PIEZO2: variants seen among roughly 807,000 people sequenced by gnomAD.
PIEZO2 encodes piezo-type mechanosensitive ion channel component 2.
In PIEZO2, 172 loss-of-function variants were observed where a neutral mutation model predicts 337.3. That is an observed-to-expected ratio of 0.51 (90% CI 0.45 to 0.58). The LOEUF is 0.58. PIEZO2 is among the 20% of genes least tolerant of loss of function. PIEZO2 has a pLI of 0.00. For missense variants in PIEZO2, 3,028 were observed against 3,391.3 expected (o/e 0.89, Z 2.66); for synonymous variants, 1,251 against 1,228.5 (o/e 1.02, Z -0.38).
intron 4 of PIEZO2, among the ~76,000 whole-genome samples, chr18:10,887,250 T>A (rs1236287955): frequency 6.6e-6 from 1 of 151,760 alleles, no homozygotes; most frequent in Non-Finnish European, 1.5e-5. Context: ...TTTGTATTTT[T>A]AGTAGAGACA....
intron 7 of PIEZO2, among the ~76,000 whole-genome samples, chr18:10,832,615 T>C (rs1200216837): frequency 6.6e-6 from 1 of 152,170 alleles, no homozygotes; most frequent in Admixed American, 6.5e-5. Context: ...AGAGAGTAGA[T>C]GCTTAATAAC....
At chr18:11,071,960 T>C (rs1217315692) in intron 1 of PIEZO2, among the ~76,000 whole-genome samples, 1 of 144,874 alleles carries the variant, frequency 6.9e-6, no homozygotes, top group Non-Finnish European at 1.5e-5. Context: ...CTGCGCTCCA[T>C]GCTACTGCAA....
Position 10,979,607 on chromosome 18 carries a change from A to G in PIEZO2, c.214T>C (p.Leu72=). 2.0e-6 allele frequency: 3 copies of G among 1,536,390 alleles called. No homozygotes were observed. Among genetic ancestry groups the G allele is most frequent in the Non-Finnish European group, 2.6e-6 (3 of 1,146,246 alleles). Residue 72 remains leucine, a synonymous_variant, in exon 3 of 56, where the codon TTG becomes CTG. Transcript: ENST00000674853. This position sits in a 1 kb window ranked among gnomAD's most constrained non-coding sequence, Gnocchi z 4.0. ...GTGATGTGGAAAATGATGTGCAGCA[A>G]CAGGAAGGAAAGACTGATGAAGCAC... The part of the protein sequence containing the change: ...SLCFISLSFL[L]LHIIFHITLV...
At position 10,894,164 on chromosome 18, in the gene PIEZO2, CA is replaced by C. The variant is rs1201264290; in HGVS notation, c.329+17021del. On this transcript the variant is annotated intron_variant, in intron 4 of 55. Coordinates refer to ENST00000674853, the MANE Select transcript of PIEZO2 (RefSeq NM_001378183.1). This position sits in a 1 kb window ranked among gnomAD's most constrained non-coding sequence, Gnocchi z 4.1. The stretch of plus-strand genomic sequence containing the variant: ...GGGCTCAAGCATGTGCATTAAGAGG[CA>C]AAATGGGCCAAGTGCGGTGGCTCAC... Among the ~76,000 whole-genome samples, 2 of 152,046 alleles carry C rather than the reference CA, an allele frequency of 1.3e-5. No individual in the cohort carries two copies. Among genetic ancestry groups the C allele is most frequent in the African/African-American group, 4.8e-5 (2 of 41,410 alleles).
rs994575862 is a variant in PIEZO2, at chr18:10,746,841, T to C, written c.4424+1630A>G. ...TGTTGGACTTTCCAGCCTGTGGAACTGTAAGAATTGAGTGTATACTGTTTA... is the reference window on the plus strand; with the variant it reads ...TGTTGGACTTTCCAGCCTGTGGAACCGTAAGAATTGAGTGTATACTGTTTA... On this transcript the variant is annotated intron_variant, in intron 30 of 55. Coordinates refer to ENST00000674853, the MANE Select transcript of PIEZO2 (RefSeq NM_001378183.1). The surrounding 1 kb of genome is among the most constrained non-coding windows in gnomAD (Gnocchi z 4.2). 6.6e-6 allele frequency among the ~76,000 whole-genome samples: 1 copy of C among 152,186 alleles called. No homozygotes were observed. Among genetic ancestry groups the C allele is most frequent in the Non-Finnish European group, 1.5e-5 (1 of 68,034 alleles).
intron 43 of PIEZO2, among the ~76,000 whole-genome samples, chr18:10,699,907 C>CT (rs2035262454): frequency 6.6e-6 from 1 of 152,162 alleles, no homozygotes; most frequent in Non-Finnish European, 1.5e-5. Flanking sequence ...CTCTCTGACT[C>CT]GTACATGGAG....
At chr18:10,885,429 C>T (rs2042550400) in intron 4 of PIEZO2, among the ~76,000 whole-genome samples, 1 of 151,884 alleles carries the variant, frequency 6.6e-6, no homozygotes. Context: ...GTCTCAAAAA[C>T]AAATCAATAA....
At chr18:10,839,624 C>T (rs900781686) in intron 7 of PIEZO2, among the ~76,000 whole-genome samples, 1 of 152,188 alleles carries the variant, frequency 6.6e-6, no homozygotes. Flanking sequence ...GGCAGTAAAG[C>T]AGCAGGAGTC....
intron 1 of PIEZO2, among the ~76,000 whole-genome samples, chr18:11,141,442 T>C (rs1410041075): frequency 6.6e-6 from 1 of 152,080 alleles, no homozygotes; most frequent in African/African-American, 2.4e-5. Flanking sequence ...AGGGTAAAGA[T>C]GGAATGAGTC....
rs1361057127 is a variant in PIEZO2, at chr18:10,872,997, T to C, written c.330-1582A>G. On this transcript the variant is annotated intron_variant, in intron 4 of 55. Coordinates refer to ENST00000674853, the MANE Select transcript of PIEZO2 (RefSeq NM_001378183.1). This position sits in a 1 kb window ranked among gnomAD's most constrained non-coding sequence, Gnocchi z 4.3. ...AAAAATGTTTATCAGAGATACAACT[T>C]ACTTAGGGAAAGGAAGCAAAAGATA... is the stretch of plus-strand genomic sequence containing the variant. Among the ~76,000 whole-genome samples the C allele has an allele frequency of 2.6e-5, 4 of 152,172 alleles. No individual in the cohort carries two copies. The East Asian group carries it at 7.7e-4, about 29-fold the overall frequency.
rs941112525 is a variant in PIEZO2 at position 11,148,123 on chromosome 18, C to T, written c.64+402G>A. ...AGATGGCCTCTGGGCCGTCTGGAGG[C>T]ACAGCATGCTGTGCTTGCAGGGTCA... is the stretch of plus-strand genomic sequence containing the variant. On this transcript the variant is annotated intron_variant, in intron 1 of 55. Transcript: ENST00000674853. The surrounding 1 kb of genome is among the most constrained non-coding windows in gnomAD (Gnocchi z 5.2). Among the ~76,000 whole-genome samples the T allele has an allele frequency of 2.6e-5, 4 of 152,070 alleles. No individual in the cohort carries two copies. The highest frequency in any genetic ancestry group is 9.7e-5 in the African/African-American group (4 of 41,416).
intron 7 of PIEZO2, among the ~76,000 whole-genome samples, chr18:10,832,189 C>T (rs540145796): frequency 1.8e-4 from 28 of 151,982 alleles, no homozygotes; most frequent in South Asian, 2.1e-4. Flanking sequence ...TCAGCTACGC[C>T]GAGATCATGC....
chr18:10,869,059 C>G (rs1294979733), intron 5 of PIEZO2, among the ~76,000 whole-genome samples: 1 of 152,208 alleles, frequency 6.6e-6, no homozygotes, highest in African/African-American at 2.4e-5. Context: ...ACTACTACCT[C>G]TCAAATTGGA....
At position 10,928,412 on chromosome 18, in the gene PIEZO2, C is replaced by T. The variant is rs11874409; in HGVS notation, c.287-17184G>A. The stretch of plus-strand genomic sequence containing the variant: ...AGCTTAGGACTCTCACTGACAGGCA[C>T]GCTTGATTTGTTTTATTTTTGTGCT... On this transcript the variant is annotated intron_variant, in intron 3 of 55. Transcript: ENST00000674853. Among the ~76,000 whole-genome samples, 1,260 of 152,302 alleles carry T rather than the reference C, an allele frequency of 8.3e-3. 26 individuals carry two copies. The highest frequency in any genetic ancestry group is 0.028 in the African/African-American group (1,155 of 41,558).
In PIEZO2 at chr18:10,773,316, G is replaced by A. The variant is rs2038668422; in HGVS notation, c.2785+96C>T. 8.0e-7 allele frequency: 1 copy of A among 1,256,426 alleles called. No individual in the cohort carries two copies. The highest frequency in any genetic ancestry group is 1.1e-6 in the Non-Finnish European group (1 of 900,694). The allele number at this position is 1,256,426 out of a possible 1,614,324, so 77.8% of individuals were successfully genotyped here. On this transcript the variant is annotated intron_variant, in intron 20 of 55. Coordinates refer to ENST00000674853, the MANE Select transcript of PIEZO2 (RefSeq NM_001378183.1). The surrounding 1 kb of genome is among the most constrained non-coding windows in gnomAD (Gnocchi z 5.3). ...ACTCCAATTTTTATGTCATGGACTG[G>A]GTCAAATATATATTCTTTTGGAGCA...
In PIEZO2 at chr18:10,894,006, G is replaced by A. The variant is rs1475316155; in HGVS notation, c.329+17180C>T. Among the ~76,000 whole-genome samples the A allele has an allele frequency of 6.6e-6, 1 of 152,148 alleles. No individual in the cohort carries two copies. Among genetic ancestry groups the A allele is most frequent in the African/African-American group, 2.4e-5 (1 of 41,438 alleles). ...GTGAGCATCAGATGATGGTCAGGTG[G>A]TTGTTAACTGTCTCTTTAAAATAGT... On this transcript the variant is annotated intron_variant, in intron 4 of 55. Coordinates refer to ENST00000674853, the MANE Select transcript of PIEZO2 (RefSeq NM_001378183.1). The surrounding 1 kb of genome is among the most constrained non-coding windows in gnomAD (Gnocchi z 4.1).
chr18:10,817,596 A>G (rs1440079339), intron 7 of PIEZO2, among the ~76,000 whole-genome samples: 1 of 152,142 alleles, frequency 6.6e-6, no homozygotes, highest in Non-Finnish European at 1.5e-5. Context: ...TTCATGTTTT[A>G]AGATTGAACA....
rs993546886 is a variant in PIEZO2, at chr18:10,856,807, A to T, written c.703+194T>A. 5.3e-5 allele frequency among the ~76,000 whole-genome samples: 8 copies of T among 152,204 alleles called. No homozygotes were observed. Among genetic ancestry groups the T allele is most frequent in the African/African-American group, 1.9e-4 (8 of 41,440 alleles). On this transcript the variant is annotated intron_variant, in intron 6 of 55. Coordinates refer to ENST00000674853, the MANE Select transcript of PIEZO2 (RefSeq NM_001378183.1). The surrounding 1 kb of genome is among the most constrained non-coding windows in gnomAD (Gnocchi z 4.7). ...AGGTTAACAGAAACCATCTAAAAAC[A>T]TCAAAACTAGAACTAACCCGGAAAA...
At chr18:10,995,881 T>G (rs2035304462) in intron 2 of PIEZO2, among the ~76,000 whole-genome samples, 1 of 152,134 alleles carries the variant, frequency 6.6e-6, no homozygotes, top group Non-Finnish European at 1.5e-5. Flanking sequence ...CACATGAATC[T>G]AGGGCTGAGA....
Sources: gnomAD v4.1 joint callset for allele counts (sites outside exome capture counted in the v4.1 genomes callset) on GRCh38, gnomAD v4.1.1 for gene constraint, Gnocchi (gnomAD v3.1) non-coding constraint, MANE v1.5 for transcripts, NCBI Gene and HGNC (gene_info 2026-07-23, HGNC 2026-07-21) for gene names.